The following SYPL1 variants were observed in gnomAD, a reference collection of about 807,000 sequenced individuals.
SYPL1 encodes the protein synaptophysin like 1, also known as synaptophysin-like protein 1.
A neutral mutation model predicts 23.7 loss-of-function variants in SYPL1; 6 were observed. The observed-to-expected ratio is 0.25, with a 90% CI of 0.14 to 0.50. The LOEUF (loss-of-function observed/expected upper bound fraction) is 0.50, where lower values mean the gene tolerates loss of function less well. Ranked by LOEUF, SYPL1 falls within the 20% of genes least tolerant of loss-of-function variation. The probability of loss-of-function intolerance (pLI) is 0.98; values close to 1 mark genes in which losing one functional copy is unlikely to be tolerated. For missense variants in SYPL1, 253 were observed against 288.9 expected, an observed-to-expected ratio of 0.88 and a Z score of 0.90; for synonymous variants, 102 against 104.5, an observed-to-expected ratio of 0.98 and a Z score of 0.15.
chr7:106,109,156 T>C lies in SYPL1; in HGVS notation c.69+2984A>G, dbSNP rs183846185. Among the ~76,000 whole-genome samples the C allele has an allele frequency of 5.5e-3, 840 of 152,340 alleles. 2 individuals carry two copies. Among genetic ancestry groups the C allele is most frequent in the Non-Finnish European group, 7.7e-3 (526 of 68,024 alleles). ...CTTGTCAGTAGGATAAAATGGGAAATGCAAATAAAGACTTTTGTTGCATAC... is the reference window on the plus strand; with the variant it reads ...CTTGTCAGTAGGATAAAATGGGAAACGCAAATAAAGACTTTTGTTGCATAC... On this transcript the variant is annotated intron_variant, in intron 1 of 4. Transcript: ENST00000455385. The surrounding 1 kb of genome is among the most constrained non-coding windows in gnomAD (Gnocchi z 4.3).
In SYPL1 at chr7:106,097,927, C is replaced by CT. The variant is rs745332748; in HGVS notation, c.195-31dup. The CT allele has an allele frequency of 7.0e-6, 11 of 1,565,116 alleles. No homozygotes were observed. In the South Asian group the frequency reaches 8.0e-5, roughly 11 times the overall value. On this transcript the variant is annotated intron_variant, in intron 2 of 4. Coordinates refer to ENST00000455385, the MANE Select transcript of SYPL1 (RefSeq NM_182715.4). This position sits in a 1 kb window ranked among gnomAD's most constrained non-coding sequence, Gnocchi z 4.6. ...TAAAATAAATGTATGAATTATTGGA[C>CT]TTTCCCAACAGAGACAGAAACATTT...
At chr7:106,108,857 T>C (rs1789998223) in intron 1 of SYPL1, among the ~76,000 whole-genome samples, 2 of 152,178 alleles carry the variant, frequency 1.3e-5, no homozygotes, top group Admixed American at 1.3e-4. Flanking sequence ...TTTCAGGAGT[T>C]CATGAAGGTA....
chr7:106,108,994 C>G (rs1790006737), intron 1 of SYPL1, among the ~76,000 whole-genome samples: 1 of 152,210 alleles, frequency 6.6e-6, no homozygotes, highest in South Asian at 2.1e-4. Flanking sequence ...GAATACCAAA[C>G]TCTATTTCAC....
intron 4 of SYPL1, 107 bp from the exon 5 acceptor site, chr7:106,092,046 T>C (rs907951122): frequency 6.4e-6 from 7 of 1,095,286 alleles, no homozygotes; most frequent in Non-Finnish European, 6.3e-6. Flanking sequence ...TTTTAGGAAG[T>C]ACGCCATTAT....
rs1005204055 is a variant in SYPL1, at chr7:106,091,099, G to T, written c.*706C>A. The T allele has an allele frequency of 2.0e-5, 3 of 152,104 alleles. No homozygotes were observed. The highest frequency in any genetic ancestry group is 4.4e-5 in the Non-Finnish European group (3 of 68,012). 9.4% of individuals were successfully genotyped at this position (152,104 alleles called of 1,614,324 possible). On this transcript the variant is annotated 3_prime_UTR_variant, in exon 5 of 5. Coordinates refer to ENST00000455385, the MANE Select transcript of SYPL1 (RefSeq NM_182715.4). This position sits in a 1 kb window ranked among gnomAD's most constrained non-coding sequence, Gnocchi z 5.0. ...ATATAAAGATATCTAGTTGAGCCAC[G>T]TTCTACTTACATAGCAAGCCTATTA...
chr7:106,108,464 C>T (rs541328318), intron 1 of SYPL1, among the ~76,000 whole-genome samples: 11 of 152,228 alleles, frequency 7.2e-5, no homozygotes, highest in Admixed American at 1.3e-4. Context: ...CCCTGTCTAG[C>T]GGCTTTATGG....
In SYPL1 at chr7:106,095,002, C is replaced by A. The variant is rs1839947044; in HGVS notation, c.403-1865G>T. Among the ~76,000 whole-genome samples, 1 of 152,186 alleles carries A rather than the reference C, an allele frequency of 6.6e-6. No homozygotes were observed. Among genetic ancestry groups the A allele is most frequent in the African/African-American group, 2.4e-5 (1 of 41,440 alleles). ...CCACCTGGAGCTCTGCAATGCACAA[C>A]CTGCAGCTGCCTAGGGCAGCTCTAC... On this transcript the variant is annotated intron_variant, in intron 3 of 4. Transcript: ENST00000455385. This position sits in a 1 kb window ranked among gnomAD's most constrained non-coding sequence, Gnocchi z 4.3.
rs1840055931 is a variant in SYPL1 at position 106,097,173 on chromosome 7, T to G, written c.402+517A>C. Among the ~76,000 whole-genome samples the G allele has an allele frequency of 6.6e-6, 1 of 152,178 alleles. No homozygotes were observed. The highest frequency in any genetic ancestry group is 1.5e-5 in the Non-Finnish European group (1 of 68,034). On this transcript the variant is annotated intron_variant, in intron 3 of 4. Transcript: ENST00000455385. This position sits in a 1 kb window ranked among gnomAD's most constrained non-coding sequence, Gnocchi z 4.6. The stretch of plus-strand genomic sequence containing the variant: ...AGCCAAGATGGTGCTACTGCCCTCC[T>G]GCCTGGGCGACAAAGCGAGACCTTG...
chr7:106,110,854 C>T (rs1790106710), intron 1 of SYPL1, among the ~76,000 whole-genome samples: 1 of 152,142 alleles, frequency 6.6e-6, no homozygotes, highest in Non-Finnish European at 1.5e-5. Context: ...TTATAATCCT[C>T]AATGAGACTA....
intron 3 of SYPL1, among the ~76,000 whole-genome samples, chr7:106,094,158 G>C (rs902554672): frequency 6.6e-6 from 1 of 152,196 alleles, no homozygotes; most frequent in African/African-American, 2.4e-5. Flanking sequence ...GGATTTTGGA[G>C]CTTATCACAG....
chr7:106,109,904 T>C lies in SYPL1; in HGVS notation c.69+2236A>G, dbSNP rs1021573018. Among the ~76,000 whole-genome samples, 2 of 152,188 alleles carry C rather than the reference T, an allele frequency of 1.3e-5. No individual in the cohort carries two copies. The highest frequency in any genetic ancestry group is 1.9e-4 in the East Asian group (1 of 5,196). On this transcript the variant is annotated intron_variant, in intron 1 of 4. Transcript: ENST00000455385. The surrounding 1 kb of genome is among the most constrained non-coding windows in gnomAD (Gnocchi z 4.3). ...TTCTAGCCTTTCCAATTCATCCTTT[T>C]AGAAATTTTCATTTTGTCGGCAGTT... is the stretch of plus-strand genomic sequence containing the variant.
chr7:106,091,801 T>C lies in SYPL1; in HGVS notation c.*4A>G. 3.1e-6 allele frequency: 5 copies of C among 1,609,924 alleles called. No homozygotes were observed. The Admixed American group carries it at 6.8e-5, about 22-fold the overall frequency. ...TACTTCATACAGTGTATTTCTCCCTTTAATTATATTCCGGTAGGAGGTGGA... is the reference window on the plus strand; with the variant it reads ...TACTTCATACAGTGTATTTCTCCCTCTAATTATATTCCGGTAGGAGGTGGA... On this transcript the variant is annotated 3_prime_UTR_variant, in exon 5 of 5. Transcript: ENST00000455385. The surrounding 1 kb of genome is among the most constrained non-coding windows in gnomAD (Gnocchi z 5.0).
intron 1 of SYPL1, among the ~76,000 whole-genome samples, chr7:106,102,124 G>A (rs150233272): frequency 4.6e-4 from 69 of 149,166 alleles, no homozygotes; most frequent in East Asian, 2.9e-3. Flanking sequence ...ACACAGTCTC[G>A]CTCTGTCACC....
intron 1 of SYPL1, among the ~76,000 whole-genome samples, chr7:106,105,052 A>C (rs1236301004): frequency 1.3e-5 from 2 of 152,212 alleles, no homozygotes; most frequent in African/African-American, 2.4e-5. Flanking sequence ...ATAAAGCAAC[A>C]ATCAGAGAGA....
intron 2 of SYPL1, among the ~76,000 whole-genome samples, 183 bp downstream of exon 2, chr7:106,098,975 T>C (rs1277337775): frequency 6.6e-6 from 1 of 152,232 alleles, no homozygotes; most frequent in Non-Finnish European, 1.5e-5. Flanking sequence ...TTGTCACAGA[T>C]CAGGAGATGT....
In SYPL1 at chr7:106,097,813, G is replaced by C. The variant is rs1234423728; in HGVS notation, c.279C>G (p.Tyr93Ter). 1 of 1,613,982 alleles carries C rather than the reference G, an allele frequency of 6.2e-7. No individual in the cohort carries two copies. The highest frequency in any genetic ancestry group is 1.7e-5 in the Admixed American group (1 of 60,010). The part of the protein sequence containing the change: ...NWKDYVLIGD[Y>*]SSSAQFYVTF... Reference sequence around the variant, plus strand: ...TAACATAGAATTGTGCAGAAGAAGAGTAATCGCCTATGAGGACGTAATCTT... The same window carrying C: ...TAACATAGAATTGTGCAGAAGAAGACTAATCGCCTATGAGGACGTAATCTT... The change falls in exon 3 of 5, where the codon TAC (tyrosine) becomes TAG (stop). Residue 93 changes from tyrosine (Y) to a stop codon, truncating the protein, a stop_gained. Coordinates refer to ENST00000455385, the MANE Select transcript of SYPL1 (RefSeq NM_182715.4). LOFTEE classifies it high-confidence loss of function. The surrounding 1 kb of genome is among the most constrained non-coding windows in gnomAD (Gnocchi z 4.6).
At chr7:106,093,394 T>C in intron 3 of SYPL1, 1 of 374,318 alleles carries the variant, frequency 2.7e-6, no homozygotes. Flanking sequence ...GAAACCAAAG[T>C]TTTATACAGC....
rs775840888 is a variant in SYPL1 at position 106,091,986 on chromosome 7, A to C, written c.592-47T>G. ...ATGAAAATCAAATACCTACTTATAAAAATTCATGCCCTACTTAAAAATCTC... is the reference window on the plus strand; with the variant it reads ...ATGAAAATCAAATACCTACTTATAACAATTCATGCCCTACTTAAAAATCTC... On this transcript the variant is annotated intron_variant, in intron 4 of 4. Transcript: ENST00000455385. The surrounding 1 kb of genome is among the most constrained non-coding windows in gnomAD (Gnocchi z 5.0). 6.5e-7 allele frequency: 1 copy of C among 1,545,492 alleles called. No homozygotes were observed. The highest frequency in any genetic ancestry group is 8.7e-7 in the Non-Finnish European group (1 of 1,145,606).
intron 1 of SYPL1, among the ~76,000 whole-genome samples, chr7:106,110,391 A>G (rs909031391): frequency 7.2e-5 from 11 of 152,200 alleles, no homozygotes; most frequent in Non-Finnish European, 1.2e-4. Context: ...TCCTCCAAGC[A>G]AATGCTCTCT....
Sources: gnomAD v4.1 joint callset for allele counts (sites outside exome capture counted in the v4.1 genomes callset) on GRCh38, gnomAD v4.1.1 for gene constraint, Gnocchi (gnomAD v3.1) non-coding constraint, MANE v1.5 for transcripts, NCBI Gene and HGNC (gene_info 2026-07-23, HGNC 2026-07-21) for gene names.